DIP2C: variants seen among roughly 807,000 people sequenced by gnomAD.
DIP2C encodes the protein DIP2 acetate--CoA ligase C (putative).
DIP2C carries 33 observed loss-of-function variants against 192.4 expected under a neutral mutation model. The ratio of observed to expected loss-of-function variants is 0.17; its 90% CI spans 0.13 to 0.23. The LOEUF is 0.23. Among genes scored for constraint, DIP2C ranks in the 10% least tolerant of loss-of-function variants. The probability of loss-of-function intolerance (pLI) is 1.00; values close to 1 mark genes in which losing one functional copy is unlikely to be tolerated. For synonymous variants in DIP2C, 979 were observed against 864.1 expected (o/e 1.13, Z -2.33); for missense variants, 1,537 against 2,110.1 (o/e 0.73, Z 5.32).
intron 1 of DIP2C, among the ~76,000 whole-genome samples, chr10:561,718 C>T (rs145262554): frequency 2.0e-5 from 3 of 152,180 alleles, no homozygotes; most frequent in Admixed American, 1.3e-4. Context: ...CTCCTGGTCC[C>T]GTCTAGAGCT....
chr10:681,130 G>GA (rs1240515250), intron 1 of DIP2C, among the ~76,000 whole-genome samples: 2 of 151,570 alleles, frequency 1.3e-5, no homozygotes, highest in Admixed American at 6.6e-5. Context: ...GAGGAATGCA[G>GA]ACCCTCAGTC....
intron 14 of DIP2C, among the ~76,000 whole-genome samples, chr10:386,979 G>C (rs1962993595): frequency 6.6e-6 from 1 of 152,134 alleles, no homozygotes; most frequent in Non-Finnish European, 1.5e-5. Flanking sequence ...TCGTGACTGT[G>C]AGACAGTCGT....
intron 4 of DIP2C, among the ~76,000 whole-genome samples, chr10:427,490 C>G (rs1966667638): frequency 2.0e-5 from 3 of 152,196 alleles, no homozygotes; most frequent in Non-Finnish European, 4.4e-5. Flanking sequence ...TGTCCTTTCA[C>G]TGAGAAACCT....
intron 26 of DIP2C, 83 bp downstream of exon 26, chr10:348,558 C>T: frequency 1.3e-6 from 2 of 1,553,784 alleles, no homozygotes; most frequent in South Asian, 2.5e-5. Flanking sequence ...GCAGCTGCCC[C>T]AAGAGATGTC....
intron 1 of DIP2C, chr10:650,883 G>T: frequency 1.4e-6 from 1 of 717,508 alleles, no homozygotes; most frequent in Non-Finnish European, 2.6e-6. Context: ...CTCCCCCTGG[G>T]ATTCGTGGGC....
At chr10:602,347 G>A (rs1852140968) in intron 1 of DIP2C, among the ~76,000 whole-genome samples, 1 of 152,234 alleles carries the variant, frequency 6.6e-6, no homozygotes, top group African/African-American at 2.4e-5. Context: ...CTCTGTGGCA[G>A]TAATGATACC....
intron 8 of DIP2C, 35 bp downstream of exon 8, chr10:413,878 G>T (rs768759401): frequency 1.2e-6 from 2 of 1,600,470 alleles, no homozygotes; most frequent in East Asian, 2.2e-5. Context: ...GTGCGAGGGG[G>T]TGGGCAAAGG....
chr10:584,470 C>A lies in DIP2C; in HGVS notation c.86-97940G>T, dbSNP rs577858661. Reference sequence around the variant, plus strand: ...GCGCATCACCTCTCAATCTCGGGGCCCGCAACCTGGCCCCCACTCACGCGC... The same window carrying A: ...GCGCATCACCTCTCAATCTCGGGGCACGCAACCTGGCCCCCACTCACGCGC... On this transcript the variant is annotated intron_variant, in intron 1 of 36. Coordinates refer to ENST00000280886, the MANE Select transcript of DIP2C (RefSeq NM_014974.3). 1.7e-4 allele frequency among the ~76,000 whole-genome samples: 24 copies of A among 143,238 alleles called. No individual in the cohort carries two copies. The East Asian group carries it at 5.0e-3, about 30-fold the overall frequency. 94.0% of individuals were successfully genotyped at this position (143,238 alleles called of 152,430 possible). A position where few individuals can be genotyped will look rare whatever the true frequency, so the allele number is the denominator to read the frequency against.
chr10:561,501 TTCC>T (rs754551397), intron 1 of DIP2C, among the ~76,000 whole-genome samples: 4 of 152,174 alleles, frequency 2.6e-5, no homozygotes, highest in Non-Finnish European at 5.9e-5. Flanking sequence ...TCACAGAATG[TTCC>T]TCAAGGCTTT....
intron 1 of DIP2C, among the ~76,000 whole-genome samples, chr10:601,215 CATACAG>C (rs1249377251): frequency 6.6e-6 from 1 of 152,164 alleles, no homozygotes; most frequent in Non-Finnish European, 1.5e-5. Context: ...AAAGCAAAGT[CATACAG>C]ATAAACTCAT....
intron 1 of DIP2C, among the ~76,000 whole-genome samples, chr10:585,228 G>T (rs542293791): frequency 6.6e-6 from 1 of 152,204 alleles, no homozygotes; most frequent in African/African-American, 2.4e-5. Context: ...CTTCGTCAGA[G>T]CAAGCGTTCC....
chr10:319,287 G>A (rs1956905078), intron 31 of DIP2C, among the ~76,000 whole-genome samples: 1 of 152,142 alleles, frequency 6.6e-6, no homozygotes, highest in South Asian at 2.1e-4. Flanking sequence ...TGAGTTTCAA[G>A]ATTTAAGGGT....
intron 1 of DIP2C, among the ~76,000 whole-genome samples, chr10:532,355 T>A (rs1480192027): frequency 6.6e-6 from 1 of 152,040 alleles, no homozygotes; most frequent in Non-Finnish European, 1.5e-5. Flanking sequence ...CAGACCCTTC[T>A]CAAACCATGA....
At chr10:592,471 C>CTTCAAACAGGTAACAGTTTGGTTCT (rs1264340354) in intron 1 of DIP2C, among the ~76,000 whole-genome samples, 1 of 151,458 alleles carries the variant, frequency 6.6e-6, no homozygotes, top group African/African-American at 2.5e-5. Context: ...ATGGAATATT[C>CTTCAAACAGGTAACAGTTTGGTTCT]CTCAGCAGTG....
intron 1 of DIP2C, among the ~76,000 whole-genome samples, chr10:659,448 C>A (rs1289661678): frequency 6.6e-6 from 1 of 152,190 alleles, no homozygotes; most frequent in Non-Finnish European, 1.5e-5. Flanking sequence ...ATGGTTTATC[C>A]CCCAAATGTA....
chr10:512,438 G>A (rs190479124), intron 1 of DIP2C, among the ~76,000 whole-genome samples: 3 of 152,202 alleles, frequency 2.0e-5, no homozygotes, highest in Admixed American at 6.5e-5. Context: ...TTAGCTGGGC[G>A]TGGTGATATG....
chr10:578,135 TTC>T (rs1468027187), intron 1 of DIP2C, among the ~76,000 whole-genome samples: 1 of 152,218 alleles, frequency 6.6e-6, no homozygotes, highest in African/African-American at 2.4e-5. Context: ...CTCTCTATTC[TTC>T]TTTTATCCTA....
chr10:450,613 C>T (rs1968773097), intron 3 of DIP2C, among the ~76,000 whole-genome samples: 2 of 152,230 alleles, frequency 1.3e-5, no homozygotes, highest in African/African-American at 4.8e-5. Context: ...CTACTAGCAG[C>T]AGCAAGAGAG....
intron 1 of DIP2C, among the ~76,000 whole-genome samples, chr10:559,614 C>T (rs1263408404): frequency 6.6e-6 from 1 of 152,218 alleles, no homozygotes; most frequent in African/African-American, 2.4e-5. Flanking sequence ...TCTCTGCCTT[C>T]CTACCTCCCC....
Sources: allele counts gnomAD v4.1 joint callset (sites outside exome capture counted in the v4.1 genomes callset), GRCh38; gene constraint gnomAD v4.1.1; transcripts MANE v1.5; gene names NCBI Gene and HGNC (gene_info 2026-07-23, HGNC 2026-07-21).